The following SHROOM4 variants were observed in gnomAD, a reference collection of about 807,000 sequenced individuals.
The protein encoded by SHROOM4 is shroom family member 4, also known as protein Shroom4.
Under a neutral mutation model 80.3 loss-of-function variants are expected in SHROOM4, and 17 were observed. The observed-to-expected ratio is 0.21, with a 90% CI of 0.14 to 0.32. The LOEUF is 0.32. Ranked by LOEUF, SHROOM4 falls within the 10% of genes least tolerant of loss-of-function variation. The pLI, the probability that SHROOM4 is intolerant of heterozygous loss-of-function variation, is 1.00. For synonymous variants in SHROOM4, 400 were observed against 437.5 expected (o/e 0.91, Z 1.07); for missense variants, 993 against 1,140.3 (o/e 0.87, Z 1.86).
Position 50,634,459 on chromosome X carries a change from C to A in SHROOM4, c.1614G>T (p.Thr538=), listed in dbSNP as rs199554817. 1.7e-6 allele frequency: 2 copies of A among 1,211,455 alleles called. No homozygotes were observed. Among genetic ancestry groups the A allele is most frequent in the Non-Finnish European group, 1.1e-6 (1 of 895,445 alleles). Residue 538 remains threonine (T), a synonymous_variant, in exon 4 of 9, where the codon ACG becomes ACT. Transcript: ENST00000376020. The part of the protein sequence containing the change: ...SASGSLVQQA[T]DCSSTTKAAS... ...CTGCTTTAGTGGTTGAAGAACAGTC[C>A]GTGGCTTGTTGAACAAGGGAGCCAG...
Position 50,634,380 on chromosome X carries a change from G to A in SHROOM4, c.1693C>T (p.Arg565Trp), listed in dbSNP as rs781829066. ...EGDSEPKECSRMGGRRSGGTR... is the reference protein window; with the variant it reads ...EGDSEPKECSWMGGRRSGGTR... ...CCTCCACTTCGCCTACCACCCATCC[G>A]GCTGCACTCCTTGGGCTCGCTGTCC... Residue 565 changes from arginine (R) to tryptophan (W), a missense_variant, in exon 4 of 9, where the codon CGG becomes TGG. Coordinates refer to ENST00000376020, the MANE Select transcript of SHROOM4 (RefSeq NM_020717.5). The A allele has an allele frequency of 7.5e-5, 91 of 1,208,895 alleles. No homozygotes were observed. The highest frequency in any genetic ancestry group is 7.0e-5 in the African/African-American group (4 of 56,893).
intron 6 of SHROOM4, among the ~76,000 whole-genome samples, chrX:50,606,668 C>T (rs5915284): frequency 0.43 from 46,836 of 109,000 alleles, 7,551 homozygotes; most frequent in South Asian, 0.49. Flanking sequence ...CACTGGCAGT[C>T]CTGCTGCCAG....
chrX:50,717,478 C>A (rs1186242001), intron 1 of SHROOM4, among the ~76,000 whole-genome samples: 1 of 112,309 alleles, frequency 8.9e-6, no homozygotes. Context: ...ACCTCGGCAT[C>A]CCAAAGTGCT....
At chrX:50,699,738 T>C (rs1179507004) in intron 1 of SHROOM4, among the ~76,000 whole-genome samples, 1 of 112,027 alleles carries the variant, frequency 8.9e-6, no homozygotes, top group Non-Finnish European at 1.9e-5. Context: ...AGTACTCTGA[T>C]AGCTGTCAAC....
intron 7 of SHROOM4, among the ~76,000 whole-genome samples, chrX:50,600,377 T>G (rs1929339176): frequency 9.0e-6 from 1 of 110,992 alleles, no homozygotes; most frequent in Non-Finnish European, 1.9e-5. Flanking sequence ...ACTACCAGAG[T>G]TTGAACTCCT....
At chrX:50,715,474 A>G (rs782189690) in intron 1 of SHROOM4, among the ~76,000 whole-genome samples, 1 of 112,184 alleles carries the variant, frequency 8.9e-6, no homozygotes, top group South Asian at 3.7e-4. Flanking sequence ...GTCTGATGAT[A>G]GTAATTTTTA....
intron 5 of SHROOM4, among the ~76,000 whole-genome samples, chrX:50,617,462 G>A (rs1191612624): frequency 9.0e-6 from 1 of 111,530 alleles, no homozygotes; most frequent in Non-Finnish European, 1.9e-5. Context: ...AGTTTACTAA[G>A]GAGTTTAAGC....
rs1447765898 is a variant in SHROOM4, at chrX:50,708,153, G to T, written c.118-12216C>A. ...AGCATAGTTGAGACAGTGGACAAAG[G>T]CCAAGTGAACAAAGGCCAGAAACGT... On this transcript the variant is annotated intron_variant, in intron 1 of 8. Transcript: ENST00000376020. Among the ~76,000 whole-genome samples the T allele has an allele frequency of 2.7e-5, 3 of 112,151 alleles. No individual in the cohort carries two copies. The East Asian group carries it at 8.5e-4, about 32-fold the overall frequency.
At chrX:50,772,008 ATGTGTGTGTGTGTGTG>A (rs10581172) in intron 1 of SHROOM4, among the ~76,000 whole-genome samples, 1 of 103,068 alleles carries the variant, frequency 9.7e-6, no homozygotes, top group South Asian at 4.7e-4. Flanking sequence ...CTTGTTTTTT[ATGTGTGTGTGTGTGTG>A]TGTGTGTGTG....
chrX:50,626,491 G>A (rs1428421994), intron 5 of SHROOM4, among the ~76,000 whole-genome samples: 1 of 111,383 alleles, frequency 9.0e-6, no homozygotes, highest in Non-Finnish European at 1.9e-5. Flanking sequence ...GACCCTTTAT[G>A]TGAGTTAGCA....
intron 5 of SHROOM4, among the ~76,000 whole-genome samples, chrX:50,611,078 G>C: frequency 9.3e-6 from 1 of 107,927 alleles, no homozygotes; most frequent in African/African-American, 3.4e-5. Flanking sequence ...AATGGAAGTA[G>C]TACAGACCAT....
chrX:50,637,373 C>T (rs1334450872), intron 3 of SHROOM4, among the ~76,000 whole-genome samples: 1 of 112,086 alleles, frequency 8.9e-6, no homozygotes, highest in African/African-American at 3.2e-5. Flanking sequence ...CCATCAATTT[C>T]TTATTGGCAA....
At chrX:50,599,675 G>C in intron 7 of SHROOM4, among the ~76,000 whole-genome samples, 1 of 111,473 alleles carries the variant, frequency 9.0e-6, no homozygotes, top group Non-Finnish European at 1.9e-5. Flanking sequence ...TTGTGTTCCT[G>C]AGTAGCTTAT....
At chrX:50,576,126 T>C in the SHROOM4 span, among the ~76,000 whole-genome samples, 9 of 111,451 alleles carry the variant, frequency 8.1e-5, no homozygotes, top group Admixed American at 6.7e-4. Context: ...ACTGGGGCCA[T>C]TGGGTGTCTC....
chrX:50,591,832 C>T lies in SHROOM4; in HGVS notation c.*4863G>A. 3.2e-6 allele frequency: 1 copy of T among 310,150 alleles called. No homozygotes were observed. Among genetic ancestry groups the T allele is most frequent in the South Asian group, 2.9e-5 (1 of 34,037 alleles). The allele number at this position is 310,150 out of a possible 1,213,427, so 25.6% of individuals were successfully genotyped here. A position where few individuals can be genotyped will look rare whatever the true frequency, so the allele number is the denominator to read the frequency against. On this transcript the variant is annotated 3_prime_UTR_variant, in exon 9 of 9. Transcript: ENST00000376020. ...TTCCAGGTTCAAGCAATTCTCCTGCCTCAGCCTCCCGAGTAGCTGGGACTA... is the reference window on the plus strand; with the variant it reads ...TTCCAGGTTCAAGCAATTCTCCTGCTTCAGCCTCCCGAGTAGCTGGGACTA...
chrX:50,605,063 A>G (rs1929605484), intron 6 of SHROOM4, among the ~76,000 whole-genome samples: 1 of 111,742 alleles, frequency 8.9e-6, no homozygotes, highest in Non-Finnish European at 1.9e-5. Flanking sequence ...TGTCCCTTAC[A>G]AAATCTTAAA....
At chrX:50,638,844 T>C (rs1040468247) in intron 2 of SHROOM4, among the ~76,000 whole-genome samples, 1 of 112,767 alleles carries the variant, frequency 8.9e-6, no homozygotes, top group African/African-American at 3.2e-5. Flanking sequence ...AATACAGTCT[T>C]TGCTCTTGAG....
At chrX:50,681,365 C>T (rs899224858) in intron 2 of SHROOM4, among the ~76,000 whole-genome samples, 2 of 111,531 alleles carry the variant, frequency 1.8e-5, no homozygotes, top group Non-Finnish European at 3.8e-5. Flanking sequence ...TGCCTGGCTT[C>T]CTCTCCTTTC....
chrX:50,786,808 T>C (rs1935749466), intron 1 of SHROOM4, among the ~76,000 whole-genome samples: 1 of 111,425 alleles, frequency 9.0e-6, no homozygotes, highest in Non-Finnish European at 1.9e-5. Flanking sequence ...GTATCATAAA[T>C]TGGAGATATA....
Sources: gnomAD v4.1 joint callset for allele counts (sites outside exome capture counted in the v4.1 genomes callset) on GRCh38, gnomAD v4.1.1 for gene constraint, MANE v1.5 for transcripts, NCBI Gene and HGNC (gene_info 2026-07-23, HGNC 2026-07-21) for gene names.